The following CALN1 variants were observed in gnomAD, a reference collection of about 807,000 sequenced individuals.
The protein encoded by CALN1 is calneuron 1.
Under a neutral mutation model 30.6 loss-of-function variants are expected in CALN1, and 17 were observed. The observed-to-expected ratio is 0.56, with a 90% CI of 0.38 to 0.83. The LOEUF is 0.83. Among genes scored for constraint, CALN1 ranks in the 40% least tolerant of loss-of-function variants. The pLI, the probability that CALN1 is intolerant of heterozygous loss-of-function variation, is 0.00. For synonymous variants in CALN1, 156 were observed against 131.4 expected (o/e 1.19, Z -1.28); for missense variants, 291 against 354.9 (o/e 0.82, Z 1.45).
Position 71,908,616 on chromosome 7 carries a change from C to G in CALN1, c.502-98124G>C, listed in dbSNP as rs561704134. On this transcript the variant is annotated intron_variant, in intron 5 of 6. Coordinates refer to ENST00000395275, the MANE Select transcript of CALN1 (RefSeq NM_031468.4). ...AATGCACCAAAAAAAATAAACACAA[C>G]GATGCATAACTAGCTGTTTTAATTC... is the stretch of plus-strand genomic sequence containing the variant. 3.3e-5 allele frequency among the ~76,000 whole-genome samples: 5 copies of G among 152,252 alleles called. No homozygotes were observed. In the East Asian group the frequency reaches 7.7e-4, roughly 24 times the overall value.
chr7:71,881,581 A>G (rs1792569589), intron 5 of CALN1, among the ~76,000 whole-genome samples: 1 of 152,092 alleles, frequency 6.6e-6, no homozygotes, highest in Non-Finnish European at 1.5e-5. Context: ...AAATTGGATC[A>G]CAGTTGTCCT....
At position 72,324,964 on chromosome 7, in the gene CALN1, A is replaced by T. The variant is rs1801167438; in HGVS notation, c.120-46154T>A. On this transcript the variant is annotated intron_variant, in intron 2 of 6. Coordinates refer to ENST00000395275, the MANE Select transcript of CALN1 (RefSeq NM_031468.4). The stretch of plus-strand genomic sequence containing the variant: ...GGGTTTTTGGAAGCTCGACAGATGC[A>T]TTTATCTCTTTGGGTGTCGAGAATT... 2.6e-5 allele frequency among the ~76,000 whole-genome samples: 4 copies of T among 152,276 alleles called. No homozygotes were observed. The East Asian group carries it at 7.7e-4, about 29-fold the overall frequency.
chr7:72,381,474 G>A (rs1293798996), intron 2 of CALN1, among the ~76,000 whole-genome samples: 2 of 152,128 alleles, frequency 1.3e-5, no homozygotes, highest in Non-Finnish European at 2.9e-5. Context: ...AAGAAAATGT[G>A]GCACATATAT....
chr7:72,310,232 T>G (rs1039208685), intron 2 of CALN1, among the ~76,000 whole-genome samples: 2 of 151,626 alleles, frequency 1.3e-5, no homozygotes, highest in Non-Finnish European at 2.9e-5. Flanking sequence ...GACAGCACAA[T>G]GCTACTCCAT....
the CALN1 span, among the ~76,000 whole-genome samples, chr7:72,499,857 CTTTCTTTCTTT>C: frequency 4.0e-5 from 2 of 50,242 alleles, no homozygotes; most frequent in Non-Finnish European, 7.3e-5. Context: ...TTCTTTCTTT[CTTTCTTTCTTT>C]CTTTCTTTCT....
At chr7:71,883,217 C>G (rs1792691721) in intron 5 of CALN1, among the ~76,000 whole-genome samples, 1 of 152,010 alleles carries the variant, frequency 6.6e-6, no homozygotes, top group Admixed American at 6.6e-5. Flanking sequence ...TCATCAGTAT[C>G]CAGAAGAGTT....
chr7:72,265,243 T>C (rs1796526425), intron 3 of CALN1, among the ~76,000 whole-genome samples: 1 of 152,208 alleles, frequency 6.6e-6, no homozygotes, highest in South Asian at 2.1e-4. Flanking sequence ...AGAGCAAATT[T>C]GTATTTTAAA....
intron 5 of CALN1, among the ~76,000 whole-genome samples, chr7:71,908,906 G>C (rs1794279431): frequency 6.6e-6 from 1 of 152,198 alleles, no homozygotes; most frequent in South Asian, 2.1e-4. Flanking sequence ...CAGGGATCCA[G>C]GGACGTCCTT....
intron 2 of CALN1, among the ~76,000 whole-genome samples, chr7:72,312,990 A>G (rs531192051): frequency 6.6e-6 from 1 of 152,216 alleles, no homozygotes; most frequent in East Asian, 1.9e-4. Flanking sequence ...ATATGCCACC[A>G]TACCCGGCTA....
At chr7:72,337,363 C>T (rs1416233316) in intron 2 of CALN1, 1 of 924,852 alleles carries the variant, frequency 1.1e-6, no homozygotes, top group East Asian at 1.2e-4. Context: ...ATGGCTCCCT[C>T]GGTTTCCAAG....
At chr7:71,939,521 C>T (rs1048971680) in intron 5 of CALN1, among the ~76,000 whole-genome samples, 9 of 149,852 alleles carry the variant, frequency 6.0e-5, no homozygotes, top group African/African-American at 2.2e-4. Flanking sequence ...TGCAGCAAGC[C>T]AAGATCGTGC....
intron 5 of CALN1, among the ~76,000 whole-genome samples, chr7:71,832,439 G>A (rs1789344324): frequency 6.6e-6 from 1 of 152,202 alleles, no homozygotes; most frequent in Admixed American, 6.5e-5. Flanking sequence ...AATGAATGAA[G>A]TGTGGATTTA....
chr7:72,415,392 G>T (rs1247567687), upstream of CALN1, among the ~76,000 whole-genome samples: 2 of 152,246 alleles, frequency 1.3e-5, no homozygotes, highest in African/African-American at 4.8e-5. Context: ...ACGAGGAAGT[G>T]GCTCCCTTTG....
chr7:72,493,470 C>T, the CALN1 span, among the ~76,000 whole-genome samples: 1 of 152,080 alleles, frequency 6.6e-6, no homozygotes, highest in Non-Finnish European at 1.5e-5. Flanking sequence ...TCCCGAGTAC[C>T]TAGGACTACA....
Position 72,400,137 on chromosome 7 carries a change from G to A in CALN1, c.119+3114C>T, listed in dbSNP as rs561428614. Among the ~76,000 whole-genome samples, 309 of 151,976 alleles carry A rather than the reference G, an allele frequency of 2.0e-3. 3 individuals carry two copies. Among genetic ancestry groups the A allele is most frequent in the African/African-American group, 7.3e-3 (301 of 41,454 alleles). ...GTATTCCTTTATAGCAGCACAAAAC[G>A]GACTAATACATGGGGGTGAGGAGGC... On this transcript the variant is annotated intron_variant, in intron 2 of 6. Transcript: ENST00000395275.
intron 2 of CALN1, among the ~76,000 whole-genome samples, chr7:72,310,961 G>A (rs751610702): frequency 3.3e-4 from 50 of 150,390 alleles, no homozygotes; most frequent in East Asian, 7.8e-4. Flanking sequence ...ATATATATAC[G>A]GTGGATCCTT....
chr7:72,358,588 A>G (rs573368045), intron 2 of CALN1, among the ~76,000 whole-genome samples: 1 of 152,078 alleles, frequency 6.6e-6, no homozygotes, highest in Non-Finnish European at 1.5e-5. Flanking sequence ...CTTCGGAGAG[A>G]GAAGAAAAGC....
At chr7:72,275,268 T>C (rs369356209) in intron 3 of CALN1, among the ~76,000 whole-genome samples, 11 of 151,900 alleles carry the variant, frequency 7.2e-5, no homozygotes, top group African/African-American at 2.7e-4. Flanking sequence ...CCTCTGAGGG[T>C]AAATGAGTGC....
chr7:72,291,979 G>T (rs1216450820), intron 2 of CALN1, among the ~76,000 whole-genome samples: 2 of 150,412 alleles, frequency 1.3e-5, no homozygotes, highest in East Asian at 3.9e-4. Context: ...TTCAGCCTGG[G>T]TGACAGAACA....
Sources: gnomAD v4.1 joint callset for allele counts (sites outside exome capture counted in the v4.1 genomes callset) on GRCh38, gnomAD v4.1.1 for gene constraint, MANE v1.5 for transcripts, NCBI Gene and HGNC (gene_info 2026-07-23, HGNC 2026-07-21) for gene names.